SCAF11: variants seen among roughly 807,000 people sequenced by gnomAD.
The protein encoded by SCAF11 is SR-related CTD associated factor 11.
SCAF11 carries 47 observed loss-of-function variants against 140.5 expected under a neutral mutation model. That is an observed-to-expected ratio of 0.33 (90% CI 0.26 to 0.43). SCAF11 has a LOEUF of 0.43. Ranked by LOEUF, SCAF11 falls within the 20% of genes least tolerant of loss-of-function variation. The pLI, the probability that SCAF11 is intolerant of heterozygous loss-of-function variation, is 1.00. For missense variants in SCAF11, 1,645 were observed against 1,705.1 expected, an observed-to-expected ratio of 0.96 and a Z score of 0.62; for synonymous variants, 557 against 579.4, an observed-to-expected ratio of 0.96 and a Z score of 0.55.
rs1040011256 is a variant in SCAF11 at position 45,961,126 on chromosome 12, C to T, written c.219+574G>A. On this transcript the variant is annotated intron_variant, in intron 3 of 14. Coordinates refer to ENST00000369367, the MANE Select transcript of SCAF11 (RefSeq NM_004719.3). Reference sequence around the variant, plus strand: ...TAATTCAGACTCTGAAATTAGTCCACACTAAATTAAAAACAGGAATTAGAA... The same window carrying T: ...TAATTCAGACTCTGAAATTAGTCCATACTAAATTAAAAACAGGAATTAGAA... 5.6e-6 allele frequency: 3 copies of T among 538,328 alleles called. No homozygotes were observed. In the African/African-American group the frequency reaches 5.7e-5, roughly 10 times the overall value. 33.3% of individuals were successfully genotyped at this position (538,328 alleles called of 1,614,324 possible). A position where few individuals can be genotyped will look rare whatever the true frequency, so the allele number is the denominator to read the frequency against.
At chr12:45,983,810 C>T (rs965020119) in intron 1 of SCAF11, among the ~76,000 whole-genome samples, 3 of 149,208 alleles carry the variant, frequency 2.0e-5, no homozygotes, top group Admixed American at 1.3e-4. Flanking sequence ...TTTTACCTTA[C>T]TGTCAAAATT....
At chr12:45,933,053 A>T (rs1479592654) in intron 9 of SCAF11, 78 bp downstream of exon 9, 2 of 905,548 alleles carry the variant, frequency 2.2e-6, no homozygotes, top group Admixed American at 2.3e-5. Flanking sequence ...TGAATAAGGT[A>T]CCCTTGTACT....
In SCAF11 at chr12:45,948,523, T is replaced by G. The variant is rs775907260; in HGVS notation, c.312A>C (p.Lys104Asn). Residue 104 changes from lysine to asparagine, a missense_variant, in exon 5 of 15, where the codon AAA becomes AAC. Physicochemically the swap from Lys to Asn is moderately conservative, Grantham distance 94. Coordinates refer to ENST00000369367, the MANE Select transcript of SCAF11 (RefSeq NM_004719.3). ...LEGYVKVQVK[K>N]QLRETKDKKN... is the part of the protein sequence containing the mutation. The stretch of plus-strand genomic sequence containing the variant: ...TCTTGTCTTTTGTTTCTCTCAGCTG[T>G]TTTTTTACTTGAACCTATGAGAAAA... 19 of 1,606,910 alleles carry G rather than the reference T, an allele frequency of 1.2e-5. No individual in the cohort carries two copies. In the Middle Eastern group the frequency reaches 5.0e-4, roughly 42 times the overall value.
At chr12:45,938,228 A>G (rs1408447580) in intron 6 of SCAF11, among the ~76,000 whole-genome samples, 1 of 152,140 alleles carries the variant, frequency 6.6e-6, no homozygotes, top group African/African-American at 2.4e-5. Flanking sequence ...AGTGGCTCAC[A>G]ACTGTAATCC....
At chr12:45,980,366 T>C (rs777971280) in intron 1 of SCAF11, among the ~76,000 whole-genome samples, 59 of 152,352 alleles carry the variant, frequency 3.9e-4, no homozygotes, top group Non-Finnish European at 6.9e-4. Context: ...TATTTATGGA[T>C]ATGTTTAGCA....
chr12:45,972,062 G>A (rs1186625811), intron 1 of SCAF11, among the ~76,000 whole-genome samples: 3 of 152,104 alleles, frequency 2.0e-5, no homozygotes, highest in South Asian at 2.1e-4. Flanking sequence ...CAAGCTGAAC[G>A]TATGTGGATT....
rs950282419 is a variant in SCAF11, at chr12:45,930,331, G to A, written c.841+1175C>T. On this transcript the variant is annotated intron_variant, in intron 10 of 14. Transcript: ENST00000369367. ...TTTACAGTATTGCACTAAACACTAT[G>A]AAAAATATGCATGCACTGCAAGAGA... Among the ~76,000 whole-genome samples the A allele has an allele frequency of 6.6e-5, 10 of 151,994 alleles. No individual in the cohort carries two copies. The South Asian group carries it at 2.1e-3, about 32-fold the overall frequency.
At chr12:45,930,456 GTT>G (rs35174436) in intron 10 of SCAF11, among the ~76,000 whole-genome samples, 4 of 130,660 alleles carry the variant, frequency 3.1e-5, no homozygotes, top group Non-Finnish European at 1.7e-5. Context: ...TTTTTTTTTT[GTT>G]TTTTTTTTTT....
At chr12:45,988,611 A>C (rs368434787) in intron 1 of SCAF11, among the ~76,000 whole-genome samples, 1 of 152,104 alleles carries the variant, frequency 6.6e-6, no homozygotes, top group African/African-American at 2.4e-5. Context: ...TATCCGTAAA[A>C]TTTTCTCCAT....
rs1181451056 is a variant in SCAF11 at position 45,972,963 on chromosome 12, TATATATAG to T, written c.-21-8783_-21-8776del. ...AGATATATATATAGATATATAGATA[TATATATAG>T]ATATATAGATATATAGATATAGATA... On this transcript the variant is annotated intron_variant, in intron 1 of 14. Transcript: ENST00000369367. Among the ~76,000 whole-genome samples the T allele has an allele frequency of 1.2e-3, 161 of 129,422 alleles. 1 individual carries two copies. The highest frequency in any genetic ancestry group is 8.6e-3 in the East Asian group (42 of 4,902). 84.9% of individuals were successfully genotyped at this position (129,422 alleles called of 152,430 possible). A position where few individuals can be genotyped will look rare whatever the true frequency, so the allele number is the denominator to read the frequency against.
intron 1 of SCAF11, among the ~76,000 whole-genome samples, chr12:45,972,999 TAG>T (rs1946145930): frequency 1.4e-5 from 2 of 144,700 alleles, no homozygotes; most frequent in African/African-American, 5.1e-5. Flanking sequence ...TATAGATATA[TAG>T]ATATATATAT....
chr12:45,927,433 A>T lies in SCAF11; in HGVS notation c.2268T>A (p.Asn756Lys), dbSNP rs764612694. ...CATCCGCAAGATCAGAAGACGGCAT[A>T]TTATTTTCAGAACAGTGTGTCACAG... ...ENSVTHCSENNMPSSDLADEK... is the reference protein window; with the variant it reads ...ENSVTHCSENKMPSSDLADEK... The change falls in exon 11 of 15, where the codon AAT becomes AAA. Residue 756 changes from asparagine to lysine, a missense_variant. Coordinates refer to ENST00000369367, the MANE Select transcript of SCAF11 (RefSeq NM_004719.3). 6.2e-7 allele frequency: 1 copy of T among 1,613,672 alleles called. No homozygotes were observed. The highest frequency in any genetic ancestry group is 1.7e-5 in the Admixed American group (1 of 59,956).
chr12:45,938,543 T>C (rs1220204175), intron 6 of SCAF11, among the ~76,000 whole-genome samples: 2 of 151,938 alleles, frequency 1.3e-5, no homozygotes, highest in Non-Finnish European at 2.9e-5. Flanking sequence ...CATTCCTTTA[T>C]TGTCATTTTA....
At position 45,924,821 on chromosome 12, in the gene SCAF11, A is replaced by G; in HGVS notation, c.3813T>C (p.Ser1271=). ...VPLMQVATPT[S]VSQGLPPPPP... ...GTGGTGGTGGTAGTCCCTGAGATAC[A>G]CTGGTAGGAGTGGCTACCTGCATGA... Residue 1271 remains serine (S), a synonymous_variant, in exon 12 of 15, where the codon AGT becomes AGC. Transcript: ENST00000369367. 2 of 1,613,972 alleles carry G rather than the reference A, an allele frequency of 1.2e-6. No individual in the cohort carries two copies. Among genetic ancestry groups the G allele is most frequent in the Non-Finnish European group, 1.7e-6 (2 of 1,179,982 alleles).
Position 45,926,565 on chromosome 12 carries a change from G to A in SCAF11, c.3136C>T (p.His1046Tyr). Residue 1046 changes from histidine (H) to tyrosine (Y), a missense_variant, in exon 11 of 15, where the codon CAT (histidine) becomes TAT (tyrosine). By Grantham distance (83) the His-to-Tyr change is moderately conservative. Coordinates refer to ENST00000369367, the MANE Select transcript of SCAF11 (RefSeq NM_004719.3). ...TRNPEKLKESHWEENRNENSG... is the reference protein window; with the variant it reads ...TRNPEKLKESYWEENRNENSG... ...TTTTCATTTCTATTTTCTTCCCAAT[G>A]AGACTCTTTCAACTTTTCTGGATTT... The A allele has an allele frequency of 6.2e-7, 1 of 1,613,212 alleles. No homozygotes were observed. The highest frequency in any genetic ancestry group is 1.1e-5 in the South Asian group (1 of 90,846).
chr12:45,948,542 G>T lies in SCAF11; in HGVS notation c.298-5C>A. Reference sequence around the variant, plus strand: ...CAGCTGTTTTTTTACTTGAACCTATGAGAAAAGCAAAATCAATTTAGAGCA... The same window carrying T: ...CAGCTGTTTTTTTACTTGAACCTATTAGAAAAGCAAAATCAATTTAGAGCA... On this transcript the variant is annotated splice_polypyrimidine_tract_variant and splice_region_variant and intron_variant, in intron 4 of 14. Coordinates refer to ENST00000369367, the MANE Select transcript of SCAF11 (RefSeq NM_004719.3). The T allele has an allele frequency of 6.4e-7, 1 of 1,562,480 alleles. No homozygotes were observed. The highest frequency in any genetic ancestry group is 1.1e-5 in the South Asian group (1 of 88,004).
intron 5 of SCAF11, among the ~76,000 whole-genome samples, chr12:45,946,504 T>C (rs1945426233): frequency 6.6e-6 from 1 of 152,172 alleles, no homozygotes; most frequent in African/African-American, 2.4e-5. Context: ...TTATGACAAA[T>C]CTCAGAAAAA....
intron 2 of SCAF11, among the ~76,000 whole-genome samples, chr12:45,963,522 G>C (rs1945871465): frequency 6.6e-6 from 1 of 151,970 alleles, no homozygotes; most frequent in Non-Finnish European, 1.5e-5. Context: ...TTTTAAAGTG[G>C]ATAAAATAGA....
At chr12:45,956,082 T>G (rs1291681699) in intron 3 of SCAF11, 1 of 713,738 alleles carries the variant, frequency 1.4e-6, no homozygotes, top group East Asian at 2.7e-5. Context: ...CATTTAAATG[T>G]AAGAACAAGA....
Sources: allele counts gnomAD v4.1 joint callset (sites outside exome capture counted in the v4.1 genomes callset), GRCh38; gene constraint gnomAD v4.1.1; transcripts MANE v1.5; gene names NCBI Gene and HGNC (gene_info 2026-07-23, HGNC 2026-07-21).